Variants in TCIRG1 observed in about 807,000 individuals in gnomAD.
TCIRG1 encodes T cell immune regulator 1, ATPase H+ transporting V0 subunit a3.
A neutral mutation model predicts 95.5 loss-of-function variants in TCIRG1; 86 were observed. The observed-to-expected ratio is 0.90, with a 90% CI of 0.76 to 1.08. The LOEUF is 1.08. TCIRG1 is among the 50% of genes least tolerant of loss of function. The pLI is 0.00. For missense variants in TCIRG1, 1,069 were observed against 1,140.2 expected (o/e 0.94, Z 0.90); for synonymous variants, 499 against 501.3 (o/e 1.00, Z 0.06).
Position 68,044,246 on chromosome 11 carries a change from C to A in TCIRG1, c.922C>A (p.Gln308Lys). The A allele has an allele frequency of 6.2e-7, 1 of 1,600,876 alleles. No individual in the cohort carries two copies. The highest frequency in any genetic ancestry group is 2.3e-5 in the East Asian group (1 of 44,252). The change falls in exon 9 of 20, where the codon CAG becomes AAG. Residue 308 changes from glutamine (Q) to lysine (K), a missense_variant. Physicochemically the swap from Gln to Lys is moderately conservative, Grantham distance 53 (BLOSUM62 1). Coordinates refer to ENST00000265686, the MANE Select transcript of TCIRG1 (RefSeq NM_006019.4). ...KMKAVYLALN[Q>K]CSVSTTHKCL... ...GAAGGCCGTGTACCTGGCCCTGAAC[C>A]AGTGCAGCGTGAGCACCACGCACAA... is the stretch of plus-strand genomic sequence containing the variant.
chr11:68,050,046 G>A lies in TCIRG1; in HGVS notation c.2098G>A (p.Asp700Asn). The A allele has an allele frequency of 6.2e-7, 1 of 1,613,362 alleles. No individual in the cohort carries two copies. Among genetic ancestry groups the A allele is most frequent in the Non-Finnish European group, 8.5e-7 (1 of 1,179,858 alleles). Residue 700 changes from aspartate (D) to asparagine (N), a missense_variant, in exon 17 of 20, where the codon GAT becomes AAT. Asp to Asn is a conservative substitution (Grantham distance 23). Transcript: ENST00000265686. ...SSDEEKAGGL[D>N]DEEEAELVPS... ...CGATGAGGAAAAGGCAGGGGGCCTG[G>A]ATGATGAAGAGGAGGCCGAGGTGGG...
In TCIRG1 at chr11:68,050,212, G is replaced by A. The variant is rs138305091; in HGVS notation, c.2194G>A (p.Ala732Thr). Residue 732 changes from alanine (A) to threonine (T), a missense_variant, in exon 18 of 20, where the codon GCC becomes ACC. Coordinates refer to ENST00000265686, the MANE Select transcript of TCIRG1 (RefSeq NM_006019.4). The part of the protein sequence containing the change: ...EFCLGCVSNT[A>T]SYLRLWALSL... ...CTGCCTGGGCTGCGTCTCCAACACC[G>A]CCTCCTACCTGCGCCTGTGGGCCCT... The A allele has an allele frequency of 8.4e-5, 135 of 1,613,380 alleles. No homozygotes were observed. Among genetic ancestry groups the A allele is most frequent in the Non-Finnish European group, 3.8e-5 (45 of 1,179,912 alleles).
chr11:68,052,123 C>T (rs1029816730), downstream of TCIRG1: 3 of 152,304 alleles, frequency 2.0e-5, no homozygotes, highest in Non-Finnish European at 4.4e-5. Context: ...CTGAACAGCA[C>T]AGGCCCGAGC....
At chr11:68,042,551 G>C in intron 3 of TCIRG1, 92 bp from the exon 4 acceptor site, 3 of 1,065,406 alleles carry the variant, frequency 2.8e-6, no homozygotes, top group Non-Finnish European at 4.2e-6. Context: ...GAATCCAGCA[G>C]CTGGTGGCCG....
At position 68,045,331 on chromosome 11, in the gene TCIRG1, G is replaced by A. The variant is rs560519146; in HGVS notation, c.1165+229G>A. On this transcript the variant is annotated intron_variant, in intron 10 of 19. Coordinates refer to ENST00000265686, the MANE Select transcript of TCIRG1 (RefSeq NM_006019.4). ...GTTGAGTTTACAAGGGAGCCGGCAC[G>A]GGCTTGTGCAAAGAACAGAGGCTGT... is the stretch of plus-strand genomic sequence containing the variant. 3.0e-4 allele frequency among the ~76,000 whole-genome samples: 45 copies of A among 152,378 alleles called. 2 individuals carry two copies. In the East Asian group the frequency reaches 6.9e-3, roughly 23 times the overall value.
Position 68,048,955 on chromosome 11 carries a change from T to A in TCIRG1, c.1631T>A (p.Val544Glu). 6.2e-7 allele frequency: 1 copy of A among 1,613,852 alleles called. No individual in the cohort carries two copies. The highest frequency in any genetic ancestry group is 1.1e-5 in the South Asian group (1 of 91,090). ...KMKMSVILGV[V>E]HMAFGVVLGV... ...AAGATGTCCGTCATCCTGGGCGTCG[T>A]GCACATGGCCTTTGGGGTGGTCCTC... Residue 544 changes from valine (V) to glutamate (E), a missense_variant, in exon 14 of 20, where the codon GTG becomes GAG. Val to Glu is a moderately radical substitution (Grantham distance 121, BLOSUM62 -2). Transcript: ENST00000265686.
At chr11:68,046,271 C>T (rs1198377400) in intron 10 of TCIRG1, among the ~76,000 whole-genome samples, 2 of 152,110 alleles carry the variant, frequency 1.3e-5, no homozygotes, top group Non-Finnish European at 2.9e-5. Context: ...CTTTGGGAGG[C>T]TGTGGTGGGA....
At chr11:68,044,053 G>A in intron 8 of TCIRG1, 79 bp from the exon 9 acceptor site, 1 of 1,375,998 alleles carries the variant, frequency 7.3e-7, no homozygotes, top group Non-Finnish European at 1.0e-6. Context: ...TCCAGGAGGT[G>A]GGTGCAGGAG....
Position 68,049,745 on chromosome 11 carries a change from A to ACCG in TCIRG1, c.1973_1975dup (p.Arg658dup), listed in dbSNP as rs757802200. 5 of 1,578,768 alleles carry ACCG rather than the reference A, an allele frequency of 3.2e-6. No individual in the cohort carries two copies. The South Asian group carries it at 5.7e-5, about 18-fold the overall frequency. On this transcript the variant is annotated inframe_insertion, in exon 16 of 20. Coordinates refer to ENST00000265686, the MANE Select transcript of TCIRG1 (RefSeq NM_006019.4). The stretch of plus-strand genomic sequence containing the variant: ...CTTGGCACACCCCTGCACCTGCTGC[A>ACCG]CCGCCACCGCCGCCGCCTGCGGAGG...
chr11:68,045,556 C>CTT (rs111244178), intron 10 of TCIRG1, among the ~76,000 whole-genome samples: 4 of 141,984 alleles, frequency 2.8e-5, no homozygotes, highest in South Asian at 2.2e-4. Context: ...GGTTGCACAG[C>CTT]TTTTTTTTTT....
At chr11:68,049,029 G>A (rs373703466) in intron 14 of TCIRG1, 32 bp downstream of exon 14, 3 of 1,612,916 alleles carry the variant, frequency 1.9e-6, no homozygotes, top group Non-Finnish European at 2.5e-6. Context: ...GGGACGGGAG[G>A]CTGGCAGGCC....
chr11:68,051,609 G>A (rs151238706), downstream of TCIRG1, among the ~76,000 whole-genome samples: 18 of 152,382 alleles, frequency 1.2e-4, no homozygotes, highest in East Asian at 1.5e-3. Flanking sequence ...GCTGGGAGGA[G>A]CCTGTCCATT....
chr11:68,050,586 C>T lies in TCIRG1; in HGVS notation c.2336C>T (p.Ala779Val), dbSNP rs1565165071. Reference protein sequence around the residue: ...AAVVLVPIFAAFAVMTVAILL... With the variant: ...AAVVLVPIFAVFAVMTVAILL... ...GTGGTGCTGGTCCCCATCTTTGCCG[C>T]CTTTGCCGTGATGACCGTGGCTATC... Residue 779 changes from alanine to valine, a missense_variant, in exon 19 of 20, where the codon GCC becomes GTC. Ala to Val is a moderately conservative substitution (Grantham distance 64, BLOSUM62 0). Transcript: ENST00000265686. 1.2e-6 allele frequency: 2 copies of T among 1,613,592 alleles called. No homozygotes were observed. Among genetic ancestry groups the T allele is most frequent in the South Asian group, 1.1e-5 (1 of 91,082 alleles).
intron 13 of TCIRG1, 52 bp from the exon 14 acceptor site, chr11:68,048,827 C>T (rs367812207): frequency 1.8e-4 from 230 of 1,311,924 alleles, no homozygotes; most frequent in Non-Finnish European, 2.3e-4. Context: ...GACTTCCTGG[C>T]AGTGATGGCG....
At chr11:68,040,698 T>G (rs991610059) in intron 1 of TCIRG1, among the ~76,000 whole-genome samples, 2 of 152,162 alleles carry the variant, frequency 1.3e-5, no homozygotes, top group African/African-American at 4.8e-5. Context: ...TAGTTTCACT[T>G]TTGTTGGTTT....
intron 15 of TCIRG1, 110 bp from the exon 16 acceptor site, chr11:68,049,553 T>G (rs1434329908): frequency 6.8e-7 from 1 of 1,460,268 alleles, no homozygotes; most frequent in African/African-American, 1.4e-5. Flanking sequence ...CCGGGGGCCC[T>G]GGAGGGAGGA....
chr11:68,050,312 C>T, intron 18 of TCIRG1, 58 bp downstream of exon 18: 1 of 1,598,068 alleles, frequency 6.3e-7, no homozygotes, highest in Non-Finnish European at 8.5e-7. Context: ...CATACCGCTG[C>T]TGGCTGGGCG....
In TCIRG1 at chr11:68,048,956, G is replaced by A. The variant is rs1214667870; in HGVS notation, c.1632G>A (p.Val544=). Residue 544 remains valine, a synonymous_variant, in exon 14 of 20, where the codon GTG becomes GTA. Transcript: ENST00000265686. ...AGATGTCCGTCATCCTGGGCGTCGT[G>A]CACATGGCCTTTGGGGTGGTCCTCG... is the stretch of plus-strand genomic sequence containing the variant. ...KMKMSVILGV[V]HMAFGVVLGV... The A allele has an allele frequency of 2.5e-6, 4 of 1,613,750 alleles. No individual in the cohort carries two copies. Among genetic ancestry groups the A allele is most frequent in the East Asian group, 2.2e-5 (1 of 44,896 alleles).
Position 68,044,134 on chromosome 11 carries a change from C to T in TCIRG1, c.810C>T (p.Val270=), listed in dbSNP as rs1333511371. 2 of 1,548,368 alleles carry T rather than the reference C, an allele frequency of 1.3e-6. No individual in the cohort carries two copies. Among genetic ancestry groups the T allele is most frequent in the East Asian group, 2.4e-5 (1 of 41,044 alleles). ...GCTGACTGCCCACTCTGGCGCAGGT[C>T]CTCGGGGAGACAGAGCGGTTCCTGA... ...LQQQSQELQE[V]LGETERFLSQ... The change falls in exon 9 of 20, where the codon GTC becomes GTT. Residue 270 remains valine (V), a splice_region_variant and synonymous_variant. Coordinates refer to ENST00000265686, the MANE Select transcript of TCIRG1 (RefSeq NM_006019.4).
Sources: gnomAD v4.1 joint callset for allele counts (sites outside exome capture counted in the v4.1 genomes callset) on GRCh38, gnomAD v4.1.1 for gene constraint, MANE v1.5 for transcripts, NCBI Gene and HGNC (gene_info 2026-07-23, HGNC 2026-07-21) for gene names.